The following TDRD12 variants were observed in gnomAD, a reference collection of about 807,000 sequenced individuals.
TDRD12 encodes putative ATP-dependent RNA helicase TDRD12.
Under a neutral mutation model 133.5 loss-of-function variants are expected in TDRD12, and 158 were observed. That is an observed-to-expected ratio of 1.18 (90% confidence interval 1.04 to 1.35). The LOEUF (loss-of-function observed/expected upper bound fraction) is 1.35, where lower values mean the gene tolerates loss of function less well. Among genes scored for constraint, TDRD12 ranks in the 40% most tolerant of loss-of-function variants. The probability of loss-of-function intolerance (pLI) is 0.00; values close to 1 mark genes in which losing one functional copy is unlikely to be tolerated. For synonymous variants in TDRD12, 460 were observed against 477.9 expected, an observed-to-expected ratio of 0.96 and a Z score of 0.49; for missense variants, 1,443 against 1,321.3, an observed-to-expected ratio of 1.09 and a Z score of -1.43.
At chr19:32,727,544 T>A (rs1473780174) in intron 1 of TDRD12, among the ~76,000 whole-genome samples, 1 of 152,252 alleles carries the variant, frequency 6.6e-6, no homozygotes. Flanking sequence ...TTTTGTCAAA[T>A]CCAACGTCAC....
intron 1 of TDRD12, 86 bp downstream of exon 1, chr19:32,720,182 C>G: frequency 6.9e-7 from 1 of 1,444,836 alleles, no homozygotes; most frequent in Non-Finnish European, 9.3e-7. Context: ...ACCCCCACCC[C>G]AGCTCCGCAC....
Position 32,743,389 on chromosome 19 carries a change from C to CCCTCCGCT in TDRD12, c.440+491_440+498dup, listed in dbSNP as rs1969493419. The stretch of plus-strand genomic sequence containing the variant: ...CTCCCCCACTCCCTCTCCCCACCGC[C>CCCTCCGCT]CCTCCGCTCTCCTCCCCTGCTCCCT... On this transcript the variant is annotated intron_variant, in intron 4 of 27. Coordinates refer to ENST00000444215, the Ensembl canonical transcript of TDRD12. Among the ~76,000 whole-genome samples the CCCTCCGCT allele has an allele frequency of 2.6e-5, 4 of 151,380 alleles. No homozygotes were observed. In the South Asian group the frequency reaches 8.4e-4, roughly 32 times the overall value.
intron 6 of TDRD12, among the ~76,000 whole-genome samples, chr19:32,754,441 C>G (rs900660108): frequency 8.6e-5 from 13 of 152,044 alleles, no homozygotes; most frequent in African/African-American, 2.9e-4. Flanking sequence ...GTCTGGGTGA[C>G]AGAGCAAGAC....
At chr19:32,720,069 G>T (rs778425234) in exon 1 of TDRD12, 2 of 1,548,570 alleles carry the variant, frequency 1.3e-6, no homozygotes, top group South Asian at 1.2e-5. Context: ...CGGGCGCCAG[G>T]AGGATGCTCC....
chr19:32,802,455 C>A (rs1971426472), intron 19 of TDRD12, among the ~76,000 whole-genome samples: 1 of 151,810 alleles, frequency 6.6e-6, no homozygotes, highest in Non-Finnish European at 1.5e-5. Flanking sequence ...ATTTTTCAGG[C>A]TAAGAAGGAG....
intron 9 of TDRD12, 26 bp downstream of exon 31, chr19:32,826,624 G>T: frequency 8.1e-7 from 1 of 1,235,810 alleles, no homozygotes; most frequent in Non-Finnish European, 1.0e-6. Flanking sequence ...CTCAGCGGGT[G>T]GTCTTTACCC....
Position 32,759,673 on chromosome 19 carries a change from C to T in TDRD12, c.865+2543C>T, listed in dbSNP as rs112770793. On this transcript the variant is annotated intron_variant, in intron 8 of 27. Coordinates refer to ENST00000444215, the Ensembl canonical transcript of TDRD12. The stretch of plus-strand genomic sequence containing the variant: ...GCCTTTCTTTCCAAAGTTTTCCAGA[C>T]GGTATTTATAAAATTTTTATTTCAC... Among the ~76,000 whole-genome samples the T allele has an allele frequency of 2.8e-4, 43 of 152,230 alleles. 1 individual carries two copies. Among genetic ancestry groups the T allele is most frequent in the African/African-American group, 8.2e-4 (34 of 41,534 alleles).
At chr19:32,770,003 T>C (rs1334037879) in intron 8 of TDRD12, among the ~76,000 whole-genome samples, 1 of 151,116 alleles carries the variant, frequency 6.6e-6, no homozygotes, top group Non-Finnish European at 1.5e-5. Context: ...TGTTCTTTTT[T>C]TTTTTTTAAG....
At chr19:32,722,561 G>A (rs1968716619) in intron 1 of TDRD12, among the ~76,000 whole-genome samples, 1 of 152,018 alleles carries the variant, frequency 6.6e-6, no homozygotes, top group Admixed American at 6.6e-5. Context: ...GTAAACGGAA[G>A]GTGGTTTGTA....
chr19:32,801,732 TG>T, intron 18 of TDRD12, 23 bp from the exon 19 acceptor site: 1 of 971,280 alleles, frequency 1.0e-6, no homozygotes, highest in Non-Finnish European at 1.5e-6. Flanking sequence ...GACTGTGACC[TG>T]GCCTCTTTGA....
intron 25 of TDRD12, 43 bp from the exon 26 acceptor site, chr19:32,815,398 TAAAATTC>T (rs1209322224): frequency 6.9e-7 from 1 of 1,457,042 alleles, no homozygotes; most frequent in Non-Finnish European, 9.2e-7. Context: ...ATGCTTCAGT[TAAAATTC>T]AGAGTGATTA....
intron 22 of TDRD12, among the ~76,000 whole-genome samples, chr19:32,809,526 G>C (rs1036994738): frequency 2.0e-5 from 3 of 152,160 alleles, no homozygotes; most frequent in Admixed American, 2.0e-4. Flanking sequence ...CCTTCACACA[G>C]AGCGTCTCTG....
rs949419799 is a variant in TDRD12, at chr19:32,751,241, A to C, written c.582+1372A>C. The stretch of plus-strand genomic sequence containing the variant: ...TTCCTGCATTAGTTTGCTGAGGATA[A>C]TGGCTTCTAGCTTCATCCATGTCCC... On this transcript the variant is annotated intron_variant, in intron 6 of 27. Transcript: ENST00000444215. Among the ~76,000 whole-genome samples, 29 of 151,892 alleles carry C rather than the reference A, an allele frequency of 1.9e-4. 1 individual carries two copies. Among genetic ancestry groups the C allele is most frequent in the African/African-American group, 6.3e-4 (26 of 41,326 alleles).
chr19:32,825,508 A>G (rs1432160658), downstream of TDRD12, among the ~76,000 whole-genome samples: 1 of 152,226 alleles, frequency 6.6e-6, no homozygotes, highest in Non-Finnish European at 1.5e-5. The surrounding 1 kb of genome is among the most constrained non-coding windows in gnomAD (Gnocchi z 4.1). Flanking sequence ...AGCCACTGCA[A>G]TGAGGTTCTT....
At chr19:32,821,411 CGT>C (rs1967391007), downstream of TDRD12, 3 of 85,110 alleles carry the variant, frequency 3.5e-5, no homozygotes, top group African/African-American at 1.6e-4. Flanking sequence ...TGTGTGTGTG[CGT>C]GTGAACCACA....
intron 2 of TDRD12, among the ~76,000 whole-genome samples, chr19:32,736,264 T>G (rs1404016305): frequency 6.6e-6 from 1 of 152,136 alleles, no homozygotes; most frequent in African/African-American, 2.4e-5. Flanking sequence ...AAAATATTAC[T>G]GCTGAGCTGG....
At chr19:32,826,786 G>C (rs1319365356) in intron 9 of TDRD12, 37 bp downstream of exon 32, 14 of 1,201,258 alleles carry the variant, frequency 1.2e-5, no homozygotes, top group Non-Finnish European at 9.4e-6. Context: ...AGGGGTTGTA[G>C]GTTCTGAGGG....
At chr19:32,734,324 C>G (rs1023926468) in intron 2 of TDRD12, among the ~76,000 whole-genome samples, 1 of 151,392 alleles carries the variant, frequency 6.6e-6, no homozygotes, top group Non-Finnish European at 1.5e-5. Flanking sequence ...TTTTTGGTGT[C>G]GAGAGGGTGG....
At chr19:32,802,162 T>A (rs1048856455) in intron 19 of TDRD12, among the ~76,000 whole-genome samples, 1 of 142,560 alleles carries the variant, frequency 7.0e-6, no homozygotes, top group African/African-American at 2.7e-5. Context: ...TATATATATA[T>A]GATAATATAT....
Sources: gnomAD v4.1 joint callset for allele counts (sites outside exome capture counted in the v4.1 genomes callset) on GRCh38, gnomAD v4.1.1 for gene constraint, Gnocchi (gnomAD v3.1) non-coding constraint, MANE v1.5 for transcripts, NCBI Gene and HGNC (gene_info 2026-07-23, HGNC 2026-07-21) for gene names.